SP4: variants seen among roughly 807,000 people sequenced by gnomAD.
The protein encoded by SP4 is Sp4 transcription factor.
A neutral mutation model predicts 72.8 loss-of-function variants in SP4; 19 were observed. That is an observed-to-expected ratio of 0.26 (90% CI 0.18 to 0.38). The LOEUF (loss-of-function observed/expected upper bound fraction) is 0.38. Among genes scored for constraint, SP4 ranks in the 10% least tolerant of loss-of-function variants. The pLI, the probability that SP4 is intolerant of heterozygous loss-of-function variation, is 1.00. For missense variants in SP4, 1,008 were observed against 926.3 expected (o/e 1.09, Z -1.14); for synonymous variants, 395 against 333.1 (o/e 1.19, Z -2.02).
chr7:21,441,384 A>G (rs1023015431), intron 3 of SP4, among the ~76,000 whole-genome samples: 1 of 152,238 alleles, frequency 6.6e-6, no homozygotes, highest in Non-Finnish European at 1.5e-5. Flanking sequence ...CTAGAGGCTT[A>G]GTGGTCTCAC....
intron 3 of SP4, among the ~76,000 whole-genome samples, chr7:21,464,985 G>C (rs1314824308): frequency 5.3e-5 from 8 of 152,108 alleles, no homozygotes; most frequent in Admixed American, 3.9e-4. Context: ...CGTAGAATGA[G>C]GGAAAATTAG....
chr7:21,497,959 A>G (rs1302922071), intron 5 of SP4, among the ~76,000 whole-genome samples: 1 of 152,138 alleles, frequency 6.6e-6, no homozygotes, highest in Non-Finnish European at 1.5e-5. Flanking sequence ...CGTCTTTGTC[A>G]GTTTTCTCAT....
chr7:21,485,778 A>G (rs1171456766), intron 5 of SP4, among the ~76,000 whole-genome samples: 1 of 151,992 alleles, frequency 6.6e-6, no homozygotes, highest in Non-Finnish European at 1.5e-5. Flanking sequence ...TCAAGTTTTT[A>G]AGAACAATGT....
chr7:21,498,728 C>T (rs1455649110), intron 5 of SP4, among the ~76,000 whole-genome samples: 7 of 152,126 alleles, frequency 4.6e-5, no homozygotes, highest in African/African-American at 1.7e-4. Flanking sequence ...TGATCATAGT[C>T]AATTAACACG....
chr7:21,457,719 A>T (rs1783810728), intron 3 of SP4, among the ~76,000 whole-genome samples: 1 of 152,116 alleles, frequency 6.6e-6, no homozygotes, highest in Admixed American at 6.6e-5. Flanking sequence ...CCCCAGTGTG[A>T]CAAAGGGGTA....
At chr7:21,441,101 A>T (rs1340916469) in intron 3 of SP4, among the ~76,000 whole-genome samples, 2 of 152,224 alleles carry the variant, frequency 1.3e-5, no homozygotes, top group Non-Finnish European at 2.9e-5. Context: ...ATGGAAAACA[A>T]GTGTGAGAGC....
At chr7:21,475,265 C>T (rs1784465924) in intron 3 of SP4, among the ~76,000 whole-genome samples, 1 of 151,734 alleles carries the variant, frequency 6.6e-6, no homozygotes, top group African/African-American at 2.4e-5. Context: ...CAGGTGTGTG[C>T]TACCACACCT....
chr7:21,428,507 C>T (rs1200739757), intron 1 of SP4, among the ~76,000 whole-genome samples, 170 bp from the exon 2 acceptor site: 3 of 152,130 alleles, frequency 2.0e-5, no homozygotes, highest in Non-Finnish European at 4.4e-5. Flanking sequence ...TTGTGATATC[C>T]CCCTCCTCCC....
chr7:21,490,705 A>C (rs1312260988), intron 5 of SP4, among the ~76,000 whole-genome samples: 1 of 151,726 alleles, frequency 6.6e-6, no homozygotes, highest in East Asian at 1.9e-4. Context: ...TCAACCTTGC[A>C]CTGGGCTCAA....
Position 21,428,100 on chromosome 7 carries a change from A to T in SP4, c.-152A>T. On this transcript the variant is annotated 5_prime_UTR_variant, in exon 1 of 6. Transcript: ENST00000222584. ...GCTACGCCACAGCCCAGCGGCGGCCATTCGCGGAAAAAGAGGCAGAGCCTG... is the reference window on the plus strand; with the variant it reads ...GCTACGCCACAGCCCAGCGGCGGCCTTTCGCGGAAAAAGAGGCAGAGCCTG... 1.5e-6 allele frequency: 1 copy of T among 675,144 alleles called. No homozygotes were observed. Among genetic ancestry groups the T allele is most frequent in the Non-Finnish European group, 2.8e-6 (1 of 361,946 alleles). The allele number at this position is 675,144 out of a possible 1,614,324, so 41.8% of individuals were successfully genotyped here. A position where few individuals can be genotyped will look rare whatever the true frequency, so the allele number is the denominator to read the frequency against.
intron 5 of SP4, among the ~76,000 whole-genome samples, chr7:21,488,311 A>G (rs536828022): frequency 6.6e-6 from 1 of 152,096 alleles, no homozygotes; most frequent in Non-Finnish European, 1.5e-5. Context: ...CAATTTTTTG[A>G]TAGTAGTTAT....
intron 3 of SP4, among the ~76,000 whole-genome samples, chr7:21,469,152 T>C (rs957187805): frequency 2.0e-5 from 3 of 152,192 alleles, no homozygotes; most frequent in African/African-American, 7.2e-5. Flanking sequence ...TAAATTATGG[T>C]ATATGATGAA....
intron 3 of SP4, among the ~76,000 whole-genome samples, chr7:21,434,191 C>G (rs931976368): frequency 1.3e-5 from 2 of 152,044 alleles, no homozygotes; most frequent in African/African-American, 4.8e-5. Flanking sequence ...TTATGAGAAG[C>G]CTTGAAAAAT....
chr7:21,493,811 A>G (rs1459169693), intron 5 of SP4, among the ~76,000 whole-genome samples: 1 of 148,168 alleles, frequency 6.7e-6, no homozygotes, highest in Non-Finnish European at 1.5e-5. Context: ...AAAATAAGGA[A>G]CACTTCTCAA....
At chr7:21,473,734 A>AC (rs1470597632) in intron 3 of SP4, among the ~76,000 whole-genome samples, 2 of 152,226 alleles carry the variant, frequency 1.3e-5, no homozygotes, top group African/African-American at 4.8e-5. Context: ...AGGCATCCCC[A>AC]CTTAGACTGG....
At chr7:21,463,423 C>T (rs977062633) in intron 3 of SP4, among the ~76,000 whole-genome samples, 2 of 152,166 alleles carry the variant, frequency 1.3e-5, no homozygotes, top group African/African-American at 4.8e-5. Flanking sequence ...CCTGTAATCT[C>T]TTTCCTTGGT....
intron 3 of SP4, among the ~76,000 whole-genome samples, chr7:21,464,200 C>T (rs537151374): frequency 4.7e-5 from 7 of 150,016 alleles, no homozygotes; most frequent in Non-Finnish European, 7.4e-5. Context: ...GGGTTCATGC[C>T]GTTCTCCTGC....
intron 3 of SP4, among the ~76,000 whole-genome samples, chr7:21,460,573 C>T (rs1049835190): frequency 6.6e-6 from 1 of 152,154 alleles, no homozygotes; most frequent in African/African-American, 2.4e-5. Context: ...CCACTGCTGG[C>T]TCGGGCAGCC....
At chr7:21,491,877 A>G (rs922550192) in intron 5 of SP4, among the ~76,000 whole-genome samples, 31 of 107,246 alleles carry the variant, frequency 2.9e-4, no homozygotes, top group African/African-American at 1.3e-3. Context: ...AGAAATGCCA[A>G]GGAAGTTCTT....
Sources: gnomAD v4.1 joint callset for allele counts (sites outside exome capture counted in the v4.1 genomes callset) on GRCh38, gnomAD v4.1.1 for gene constraint, MANE v1.5 for transcripts, NCBI Gene and HGNC (gene_info 2026-07-23, HGNC 2026-07-21) for gene names.